CSMD2: variants seen among roughly 807,000 people sequenced by gnomAD.
The protein encoded by CSMD2 is CUB and Sushi multiple domains 2, also known as CUB and sushi domain-containing protein 2.
A neutral mutation model predicts 398.5 loss-of-function variants in CSMD2; 130 were observed. That is an observed-to-expected ratio of 0.33 (90% CI 0.28 to 0.38). CSMD2 has a LOEUF of 0.38. CSMD2 is among the 10% of genes least tolerant of loss of function. CSMD2 has a pLI of 1.00. For synonymous variants in CSMD2, 1,828 were observed against 1,908.5 expected, an observed-to-expected ratio of 0.96 and a Z score of 1.10; for missense variants, 3,829 against 4,764.9, an observed-to-expected ratio of 0.80 and a Z score of 5.78.
chr1:33,701,283 G>A (rs1645604490), intron 22 of CSMD2, among the ~76,000 whole-genome samples: 1 of 152,006 alleles, frequency 6.6e-6, no homozygotes, highest in African/African-American at 2.4e-5. Context: ...CTCCAGCTAG[G>A]GCCTGCTGGG....
At chr1:33,762,314 C>T (rs866999406) in intron 13 of CSMD2, among the ~76,000 whole-genome samples, 1 of 151,832 alleles carries the variant, frequency 6.6e-6, no homozygotes, top group African/African-American at 2.4e-5. Context: ...CATGGCAGAG[C>T]ACAGTGGAGA....
chr1:34,093,029 C>A (rs907561258), intron 1 of CSMD2, among the ~76,000 whole-genome samples: 1 of 152,196 alleles, frequency 6.6e-6, no homozygotes, highest in Non-Finnish European at 1.5e-5. Flanking sequence ...TTGAAGAGAG[C>A]AGTGGTTCTC....
chr1:33,821,398 G>A (rs1339759034), intron 7 of CSMD2, among the ~76,000 whole-genome samples: 1 of 152,210 alleles, frequency 6.6e-6, no homozygotes, highest in African/African-American at 2.4e-5. Context: ...GAGGAGGCTG[G>A]ATTCCTGGCT....
At chr1:33,776,528 T>C (rs982528567) in intron 12 of CSMD2, among the ~76,000 whole-genome samples, 2 of 152,164 alleles carry the variant, frequency 1.3e-5, no homozygotes, top group Non-Finnish European at 2.9e-5. Flanking sequence ...GAGGAAATCA[T>C]GCCTAGATGG....
intron 1 of CSMD2, among the ~76,000 whole-genome samples, chr1:34,105,859 A>AT (rs1274739433): frequency 6.6e-6 from 1 of 152,220 alleles, no homozygotes; most frequent in African/African-American, 2.4e-5. Flanking sequence ...CCAGTGACAA[A>AT]TTCACAGGTA....
intron 24 of CSMD2, among the ~76,000 whole-genome samples, chr1:33,697,968 T>C (rs888959170): frequency 2.6e-5 from 4 of 152,126 alleles, no homozygotes; most frequent in Admixed American, 2.6e-4. Context: ...CACAGACACG[T>C]TGAGGTTGTG....
chr1:34,144,515 G>A (rs1639590019), intron 1 of CSMD2, among the ~76,000 whole-genome samples: 2 of 152,354 alleles, frequency 1.3e-5, no homozygotes, highest in South Asian at 2.1e-4. Context: ...CCTTGCTCCT[G>A]TGAGGGAAGC....
chr1:33,825,521 C>T (rs1658700643), intron 7 of CSMD2, among the ~76,000 whole-genome samples, 176 bp downstream of exon 7: 1 of 152,234 alleles, frequency 6.6e-6, no homozygotes, highest in Non-Finnish European at 1.5e-5. Flanking sequence ...AAAGGGCAGG[C>T]CCCAGGGCTG....
intron 11 of CSMD2, among the ~76,000 whole-genome samples, chr1:33,789,298 G>T (rs770889682): frequency 6.6e-6 from 1 of 152,130 alleles, no homozygotes; most frequent in Non-Finnish European, 1.5e-5. Context: ...TGTGGGGGCG[G>T]GGAGGGGGGG....
chr1:33,837,727 G>C (rs1660450516), intron 6 of CSMD2, among the ~76,000 whole-genome samples: 1 of 152,182 alleles, frequency 6.6e-6, no homozygotes, highest in South Asian at 2.1e-4. Context: ...TTCTGTGCAT[G>C]GTTTTCACTG....
chr1:33,982,609 T>C (rs1017710534), intron 3 of CSMD2, among the ~76,000 whole-genome samples: 6 of 152,206 alleles, frequency 3.9e-5, no homozygotes, highest in Non-Finnish European at 8.8e-5. Context: ...ACTCAATTCA[T>C]GTTGAATGAC....
chr1:33,636,567 A>G lies in CSMD2; in HGVS notation c.4775-13T>C, dbSNP rs74878263. 1,848 of 1,612,742 alleles carry G rather than the reference A, an allele frequency of 1.1e-3. 18 individuals are homozygous for G. In the African/African-American group the frequency reaches 0.021, roughly 19 times the overall value. On this transcript the variant is annotated splice_polypyrimidine_tract_variant and intron_variant, in intron 29 of 70. Transcript: ENST00000373381. The surrounding 1 kb of genome is among the most constrained non-coding windows in gnomAD (Gnocchi z 4.8). ...TCCCGCGGGTTTTCTGGGAAAAAGA[A>G]ATACAAACACGTGCACACACACAGA...
At chr1:34,159,330 C>A (rs933583423) in intron 1 of CSMD2, among the ~76,000 whole-genome samples, 11 of 57,626 alleles carry the variant, frequency 1.9e-4, no homozygotes, top group South Asian at 6.4e-4. Context: ...TACAGCCTGC[C>A]CCCCCCCCAC....
intron 25 of CSMD2, among the ~76,000 whole-genome samples, chr1:33,673,065 CCAAAGGAA>C (rs941054830): frequency 6.6e-6 from 1 of 152,230 alleles, no homozygotes; most frequent in Admixed American, 6.5e-5. Context: ...CTCTCCTCCT[CCAAAGGAA>C]CGCAGCTCCT....
chr1:33,917,942 T>C, intron 5 of CSMD2, 152 bp downstream of exon 5: 2 of 598,628 alleles, frequency 3.3e-6, no homozygotes, highest in South Asian at 4.7e-5. Context: ...TGCTTTTTCA[T>C]TAGGATGAGA....
chr1:33,807,386 G>A (rs6425841), intron 10 of CSMD2, among the ~76,000 whole-genome samples: 70,046 of 151,942 alleles, frequency 0.46, 17,292 homozygotes, highest in East Asian at 0.65. Context: ...ATGTACCCCC[G>A]AATCTAAAAT....
At chr1:33,585,977 C>CCTTA (rs1610976) in intron 46 of CSMD2, among the ~76,000 whole-genome samples, 68,802 of 151,744 alleles carry the variant, frequency 0.45, 16,608 homozygotes, top group East Asian at 0.75. Context: ...AGGTACCTTG[C>CCTTA]CTTAGGTCAG....
intron 4 of CSMD2, among the ~76,000 whole-genome samples, chr1:33,925,495 T>G (rs1307111989): frequency 2.6e-5 from 4 of 152,248 alleles, no homozygotes; most frequent in Non-Finnish European, 5.9e-5. Context: ...CCAGCTTTGT[T>G]CTTTTTGCTC....
At chr1:33,935,649 C>G in intron 4 of CSMD2, 111 bp downstream of exon 4, 1 of 1,169,172 alleles carries the variant, frequency 8.6e-7, no homozygotes, top group Non-Finnish European at 1.2e-6. Context: ...TTGGGTACCC[C>G]CCTCCCTGCT....
Sources: allele counts gnomAD v4.1 joint callset (sites outside exome capture counted in the v4.1 genomes callset), GRCh38; gene constraint gnomAD v4.1.1; non-coding constraint Gnocchi (gnomAD v3.1); transcripts MANE v1.5; gene names NCBI Gene and HGNC (gene_info 2026-07-23, HGNC 2026-07-21).